TIE1: variants seen among roughly 807,000 people sequenced by gnomAD.
The protein encoded by TIE1 is tyrosine kinase with immunoglobulin like and EGF like domains 1.
Under a neutral mutation model 130.5 loss-of-function variants are expected in TIE1, and 89 were observed. The observed-to-expected ratio is 0.68, with a 90% CI of 0.57 to 0.81. The LOEUF is 0.81. Ranked by LOEUF, TIE1 falls within the 40% of genes least tolerant of loss-of-function variation. The pLI, the probability that TIE1 is intolerant of heterozygous loss-of-function variation, is 0.00. For missense variants in TIE1, 1,392 were observed against 1,559.8 expected (o/e 0.89, Z 1.81); for synonymous variants, 568 against 629.4 (o/e 0.90, Z 1.46).
rs1262175396 is a variant in TIE1, at chr1:43,317,997, T to C, written c.2847T>C (p.Ser949=). The change falls in exon 17 of 23, where the codon TCT becomes TCC. Residue 949 remains serine, a synonymous_variant. Coordinates refer to ENST00000372476, the MANE Select transcript of TIE1 (RefSeq NM_005424.5). The surrounding 1 kb of genome is among the most constrained non-coding windows in gnomAD (Gnocchi z 5.1). The part of the protein sequence containing the change: ...PAFAREHGTA[S]TLSSRQLLRF... ...TTGCTCGAGAGCATGGGACAGCCTC[T>C]ACCCTTAGCTCCCGGCAGCTGCTGC... 6.2e-7 allele frequency: 1 copy of C among 1,604,442 alleles called. No individual in the cohort carries two copies. Among genetic ancestry groups the C allele is most frequent in the Non-Finnish European group, 8.5e-7 (1 of 1,175,350 alleles).
rs980916000 is a variant in TIE1 at position 43,318,393 on chromosome 1, G to C, written c.2922+321G>C. Among the ~76,000 whole-genome samples, 1 of 152,100 alleles carries C rather than the reference G, an allele frequency of 6.6e-6. No individual in the cohort carries two copies. Among genetic ancestry groups the C allele is most frequent in the Non-Finnish European group, 1.5e-5 (1 of 68,022 alleles). On this transcript the variant is annotated intron_variant, in intron 17 of 22. Coordinates refer to ENST00000372476, the MANE Select transcript of TIE1 (RefSeq NM_005424.5). The surrounding 1 kb of genome is among the most constrained non-coding windows in gnomAD (Gnocchi z 4.4). ...TGCCTAATGGCAATGGGCCTGGTGC[G>C]ATCTGCCGGAGAGGGGGAAGGGCAG...
In TIE1 at chr1:43,317,187, C is replaced by T; in HGVS notation, c.2410-12C>T. The T allele has an allele frequency of 6.2e-7, 1 of 1,613,890 alleles. No individual in the cohort carries two copies. Among genetic ancestry groups the T allele is most frequent in the South Asian group, 1.1e-5 (1 of 91,068 alleles). ...GCGTGGACCGTCTGCCCTCTTGTCTCATCCTGTGAAGGGCGAGGAGACCAT... is the reference window on the plus strand; with the variant it reads ...GCGTGGACCGTCTGCCCTCTTGTCTTATCCTGTGAAGGGCGAGGAGACCAT... On this transcript the variant is annotated splice_polypyrimidine_tract_variant and intron_variant, in intron 14 of 22. Coordinates refer to ENST00000372476, the MANE Select transcript of TIE1 (RefSeq NM_005424.5). This position sits in a 1 kb window ranked among gnomAD's most constrained non-coding sequence, Gnocchi z 5.1.
chr1:43,301,808 G>A (rs1646673449), intron 1 of TIE1, among the ~76,000 whole-genome samples: 1 of 152,366 alleles, frequency 6.6e-6, no homozygotes, highest in South Asian at 2.1e-4. Flanking sequence ...GGCAGAGGTT[G>A]CAGTGAGCTG....
Position 43,309,090 on chromosome 1 carries a change from G to T in TIE1, c.1147G>T (p.Gly383Cys), listed in dbSNP as rs1389150134. 1 of 1,613,322 alleles carries T rather than the reference G, an allele frequency of 6.2e-7. No individual in the cohort carries two copies. Among genetic ancestry groups the T allele is most frequent in the South Asian group, 1.1e-5 (1 of 90,990 alleles). Residue 383 changes from glycine (G) to cysteine (C), a missense_variant, in exon 8 of 23, where the codon GGC becomes TGC. Gly to Cys is a radical substitution (Grantham distance 159, BLOSUM62 -3). Around this residue, in one of 6 missense-constraint regions of TIE1, gnomAD observed 551 missense variants for 565.5 expected, o/e 0.97. Transcript: ENST00000372476. The surrounding 1 kb of genome is among the most constrained non-coding windows in gnomAD (Gnocchi z 6.3). ...AAAGNPFPVR[G>C]SIELRKPDGT... is the part of the protein sequence containing the mutation. Reference sequence around the variant, plus strand: ...TGCAGGGAACCCCTTCCCCGTGCGGGGCAGCATAGAGCTACGCAAGCCAGA... The same window carrying T: ...TGCAGGGAACCCCTTCCCCGTGCGGTGCAGCATAGAGCTACGCAAGCCAGA...
In TIE1 at chr1:43,306,543, G is replaced by A. The variant is rs1646729921; in HGVS notation, c.485-297G>A. On this transcript the variant is annotated intron_variant, in intron 3 of 22. Coordinates refer to ENST00000372476, the MANE Select transcript of TIE1 (RefSeq NM_005424.5). This position sits in a 1 kb window ranked among gnomAD's most constrained non-coding sequence, Gnocchi z 4.9. ...CACTGGAGGCAGAGGAGCCTTGTGAGGCCCCTGGAGGCTAGGACCAGGGCA... is the reference window on the plus strand; with the variant it reads ...CACTGGAGGCAGAGGAGCCTTGTGAAGCCCCTGGAGGCTAGGACCAGGGCA... Among the ~76,000 whole-genome samples, 1 of 152,156 alleles carries A rather than the reference G, an allele frequency of 6.6e-6. No individual in the cohort carries two copies.
rs1045349348 is a variant in TIE1 at position 43,305,487 on chromosome 1, T to A, written c.484+144T>A. On this transcript the variant is annotated intron_variant, in intron 3 of 22. Transcript: ENST00000372476. The stretch of plus-strand genomic sequence containing the variant: ...CTCCTCTGTAGTGGACCAGGTCCCA[T>A]GGGATGTGCCTGCACCCATCTTATC... 4.1e-6 allele frequency: 3 copies of A among 735,382 alleles called. 1 individual carries two copies. The South Asian group carries it at 5.9e-5, about 14-fold the overall frequency. 45.6% of individuals were successfully genotyped at this position (735,382 alleles called of 1,614,324 possible).
In TIE1 at chr1:43,321,251, G is replaced by T. The variant is rs540239618; in HGVS notation, c.3108-18G>T. Reference sequence around the variant, plus strand: ...ACCAGGGCCTAGAAGGTAACTAAGTGCATCCTTCTTATTTCAGCTGGTCCT... The same window carrying T: ...ACCAGGGCCTAGAAGGTAACTAAGTTCATCCTTCTTATTTCAGCTGGTCCT... On this transcript the variant is annotated intron_variant, in intron 19 of 22. Coordinates refer to ENST00000372476, the MANE Select transcript of TIE1 (RefSeq NM_005424.5). 1.2e-6 allele frequency: 2 copies of T among 1,614,030 alleles called. No homozygotes were observed. Among genetic ancestry groups the T allele is most frequent in the South Asian group, 2.2e-5 (2 of 91,076 alleles).
Position 43,305,171 on chromosome 1 carries a change from T to C in TIE1, c.373+6T>C. ...CGTGCACAACAGCCCTGGAGGTGAG[T>C]TAGGCAGGCGGGGGGATGGCGCGGG... On this transcript the variant is annotated splice_donor_region_variant and intron_variant, in intron 2 of 22. Transcript: ENST00000372476. 1 of 1,613,972 alleles carries C rather than the reference T, an allele frequency of 6.2e-7. No homozygotes were observed.
At position 43,304,833 on chromosome 1, in the gene TIE1, C is replaced by T. The variant is rs1382328672; in HGVS notation, c.59-18C>T. On this transcript the variant is annotated intron_variant, in intron 1 of 22. Coordinates refer to ENST00000372476, the MANE Select transcript of TIE1 (RefSeq NM_005424.5). Reference sequence around the variant, plus strand: ...GTTGGCTGGGACTACAATAGAGTCACTGGTGTCCTGGCCCCAGGCGCGGCG... The same window carrying T: ...GTTGGCTGGGACTACAATAGAGTCATTGGTGTCCTGGCCCCAGGCGCGGCG... 2.8e-6 allele frequency: 4 copies of T among 1,414,726 alleles called. No individual in the cohort carries two copies. The highest frequency in any genetic ancestry group is 3.7e-6 in the Non-Finnish European group (4 of 1,091,504). The allele number at this position is 1,414,726 out of a possible 1,614,324, so 87.6% of individuals were successfully genotyped here.
At chr1:43,305,193 C>G in intron 2 of TIE1, 28 bp downstream of exon 2, 2 of 1,613,768 alleles carry the variant, frequency 1.2e-6, no homozygotes. Context: ...GGGGATGGCG[C>G]GGGGAAAACC....
Position 43,318,617 on chromosome 1 carries a change from C to T in TIE1, c.2922+545C>T, listed in dbSNP as rs558079853. Among the ~76,000 whole-genome samples the T allele has an allele frequency of 1.3e-5, 2 of 152,054 alleles. No individual in the cohort carries two copies. The highest frequency in any genetic ancestry group is 2.4e-5 in the African/African-American group (1 of 41,394). On this transcript the variant is annotated intron_variant, in intron 17 of 22. Transcript: ENST00000372476. This position sits in a 1 kb window ranked among gnomAD's most constrained non-coding sequence, Gnocchi z 4.4. ...CTCCTGGGTTCAAGCAATTCTCCTG[C>T]CTCAGCCTCCTGAGTAGCTGGGATT...
At chr1:43,308,734 G>T (rs1646756666) in intron 7 of TIE1, 2 of 592,460 alleles carry the variant, frequency 3.4e-6, no homozygotes, top group African/African-American at 3.6e-5. Flanking sequence ...TGCTGGCTGG[G>T]AGGATGGTGA....
rs1179799652 is a variant in TIE1, at chr1:43,312,129, C to T, written c.1628C>T (p.Pro543Leu). The T allele has an allele frequency of 6.5e-7, 1 of 1,546,688 alleles. No individual in the cohort carries two copies. Among genetic ancestry groups the T allele is most frequent in the South Asian group, 1.3e-5 (1 of 79,988 alleles). Residue 543 changes from proline (P) to leucine (L), a missense_variant and splice_region_variant, in exon 11 of 23, where the codon CCT becomes CTT. Coordinates refer to ENST00000372476, the MANE Select transcript of TIE1 (RefSeq NM_005424.5). The surrounding 1 kb of genome is among the most constrained non-coding windows in gnomAD (Gnocchi z 5.6). ...CCCACCCTCATGACCACAGACTGTC[C>T]TGGTGAGAGGCCAAGAGTCATCCCT... ...GPPTLMTTDC[P>L]EPLLQPWLEG...
At position 43,313,257 on chromosome 1, in the gene TIE1, G is replaced by C. The variant is rs147482830; in HGVS notation, c.2050G>C (p.Ala684Pro). 5.6e-5 allele frequency: 90 copies of C among 1,613,934 alleles called. No homozygotes were observed. Among genetic ancestry groups the C allele is most frequent in the Non-Finnish European group, 7.3e-5 (86 of 1,179,946 alleles). The change falls in exon 13 of 23, where the codon GCT becomes CCT. Residue 684 changes from alanine (A) to proline (P), a missense_variant. Physicochemically the swap from Ala to Pro is conservative, Grantham distance 27. Transcript: ENST00000372476. This position sits in a 1 kb window ranked among gnomAD's most constrained non-coding sequence, Gnocchi z 6.2. ...ISKYVVEVQV[A>P]GGAGDPLWID... Reference sequence around the variant, plus strand: ...CAAGTACGTTGTGGAGGTGCAGGTGGCTGGGGGTGCAGGAGACCCACTGTG... The same window carrying C: ...CAAGTACGTTGTGGAGGTGCAGGTGCCTGGGGGTGCAGGAGACCCACTGTG...
In TIE1 at chr1:43,317,237, G is replaced by T. The variant is rs1268849591; in HGVS notation, c.2448G>T (p.Leu816Phe). 7.4e-6 allele frequency: 12 copies of T among 1,614,044 alleles called. No homozygotes were observed. The highest frequency in any genetic ancestry group is 9.3e-6 in the Non-Finnish European group (11 of 1,180,054). ...ETILQFSSGT[L>F]TLTRRPKLQP... is the part of the protein sequence containing the mutation. The stretch of plus-strand genomic sequence containing the variant: ...TCCTGCAGTTCAGCTCAGGGACCTT[G>T]ACACTTACCCGGCGGCCAAAACTGC... Residue 816 changes from leucine to phenylalanine, a missense_variant, in exon 15 of 23, where the codon TTG becomes TTT. Transcript: ENST00000372476. This position sits in a 1 kb window ranked among gnomAD's most constrained non-coding sequence, Gnocchi z 5.1.
chr1:43,312,672 G>A lies in TIE1; in HGVS notation c.1927+71G>A. The A allele has an allele frequency of 6.7e-7, 1 of 1,502,754 alleles. No individual in the cohort carries two copies. The highest frequency in any genetic ancestry group is 9.0e-7 in the Non-Finnish European group (1 of 1,116,426). 93.1% of individuals were successfully genotyped at this position (1,502,754 alleles called of 1,614,324 possible). On this transcript the variant is annotated intron_variant, in intron 12 of 22. Coordinates refer to ENST00000372476, the MANE Select transcript of TIE1 (RefSeq NM_005424.5). The surrounding 1 kb of genome is among the most constrained non-coding windows in gnomAD (Gnocchi z 5.6). ...GGACACAGGGACACATGAGACCTAG[G>A]AGACACGGGAGGCTGTAGGAGATTA... is the stretch of plus-strand genomic sequence containing the variant.
Position 43,321,442 on chromosome 1 carries a change from G to A in TIE1, c.3195G>A (p.Lys1065=), listed in dbSNP as rs1309951311. The A allele has an allele frequency of 6.2e-7, 1 of 1,614,018 alleles. No homozygotes were observed. The change falls in exon 21 of 23, where the codon AAG becomes AAA. Residue 1065 remains lysine, a synonymous_variant. Coordinates refer to ENST00000372476, the MANE Select transcript of TIE1 (RefSeq NM_005424.5). The part of the protein sequence containing the change: ...CGMTCAELYE[K]LPQGYRMEQP... ...TGACCTGTGCCGAGCTCTATGAAAA[G>A]CTGCCCCAGGGCTACCGCATGGAGC...
chr1:43,311,726 T>G lies in TIE1; in HGVS notation c.1389T>G (p.Leu463=). The G allele has an allele frequency of 6.2e-7, 1 of 1,614,050 alleles. No homozygotes were observed. The highest frequency in any genetic ancestry group is 1.1e-5 in the South Asian group (1 of 91,082). The change falls in exon 10 of 23, where the codon CTT becomes CTG. Residue 463 remains leucine (L), a synonymous_variant. Coordinates refer to ENST00000372476, the MANE Select transcript of TIE1 (RefSeq NM_005424.5). ...TCCTGACCAAGCAGAGCCGCCAGCT[T>G]GTGGTCTCCCCGCTGGTCTCGTTCT... ...PRLLTKQSRQ[L]VVSPLVSFSG... is the part of the protein sequence containing the mutation.
Position 43,315,657 on chromosome 1 carries a change from CA to C in TIE1, c.2410-1531del, listed in dbSNP as rs970309260. On this transcript the variant is annotated intron_variant, in intron 14 of 22. Coordinates refer to ENST00000372476, the MANE Select transcript of TIE1 (RefSeq NM_005424.5). The surrounding 1 kb of genome is among the most constrained non-coding windows in gnomAD (Gnocchi z 4.4). ...TGACAGAGTGAGTGAGACTCCATCTCAAAAAAAAAAATCCATTCAGAGATTC... is the reference window on the plus strand; with the variant it reads ...TGACAGAGTGAGTGAGACTCCATCTCAAAAAAAAAATCCATTCAGAGATTC... Among the ~76,000 whole-genome samples the C allele has an allele frequency of 1.6e-3, 235 of 146,486 alleles. 1 individual carries two copies. Among genetic ancestry groups the C allele is most frequent in the Non-Finnish European group, 2.4e-3 (158 of 66,256 alleles).
Sources: allele counts gnomAD v4.1 joint callset (sites outside exome capture counted in the v4.1 genomes callset), GRCh38; gene constraint gnomAD v4.1.1; regional missense constraint gnomAD v4.1.1; non-coding constraint Gnocchi (gnomAD v3.1); transcripts MANE v1.5; gene names NCBI Gene and HGNC (gene_info 2026-07-23, HGNC 2026-07-21).